Variants in DNMT3A observed in about 807,000 individuals in gnomAD.
DNMT3A encodes DNA methyltransferase 3 alpha, also known as DNA (cytosine-5)-methyltransferase 3A.
A neutral mutation model predicts 117.6 loss-of-function variants in DNMT3A; 267 were observed. That is an observed-to-expected ratio of 2.27 (90% confidence interval 2.05 to 2.51). The LOEUF is 2.51. DNMT3A is among the 30% of genes most tolerant of loss of function. DNMT3A has a pLI of 0.00. For synonymous variants in DNMT3A, 432 were observed against 474.8 expected, an observed-to-expected ratio of 0.91 and a Z score of 1.17; for missense variants, 1,029 against 1,260.2, an observed-to-expected ratio of 0.82 and a Z score of 2.78.
At chr2:25,268,707 A>C (rs1387092588) in intron 6 of DNMT3A, among the ~76,000 whole-genome samples, 1 of 151,786 alleles carries the variant, frequency 6.6e-6, no homozygotes, top group Non-Finnish European at 1.5e-5. Flanking sequence ...GATGGAGGAG[A>C]CTCTGGCCCC....
intron 1 of DNMT3A, 156 bp from the exon 2 acceptor site, chr2:25,314,317 T>C (rs2034277180): frequency 1.0e-6 from 1 of 985,186 alleles, no homozygotes; most frequent in Non-Finnish European, 1.2e-6. Flanking sequence ...CGAGGCAGGC[T>C]CCCTTCAGGG....
At chr2:25,292,509 C>T (rs1039879455) in intron 3 of DNMT3A, among the ~76,000 whole-genome samples, 1 of 152,182 alleles carries the variant, frequency 6.6e-6, no homozygotes, top group Admixed American at 6.5e-5. Flanking sequence ...ATGGTGCTAT[C>T]TTTTCTGTGC....
chr2:25,232,587 C>T lies in DNMT3A; in HGVS notation c.*1692G>A, dbSNP rs1356338543. On this transcript the variant is annotated 3_prime_UTR_variant, in exon 23 of 23. Transcript: ENST00000321117. The surrounding 1 kb of genome is among the most constrained non-coding windows in gnomAD (Gnocchi z 4.1). ...GAAGTAGAAGAGAAGAGTGACAAGC[C>T]CAGAAGGCAGACCTTGGGGACTCCC... 2 of 153,792 alleles carry T rather than the reference C, an allele frequency of 1.3e-5. No homozygotes were observed. The highest frequency in any genetic ancestry group is 4.8e-5 in the African/African-American group (2 of 41,476). The allele number at this position is 153,792 out of a possible 1,614,324, so 9.5% of individuals were successfully genotyped here. A position where few individuals can be genotyped will look rare whatever the true frequency, so the allele number is the denominator to read the frequency against.
At position 25,281,897 on chromosome 2, in the gene DNMT3A, T is replaced by C; in HGVS notation, c.448+544A>G. On this transcript the variant is annotated intron_variant, in intron 4 of 22. Transcript: ENST00000321117. This position sits in a 1 kb window ranked among gnomAD's most constrained non-coding sequence, Gnocchi z 4.8. ...TGTCACAACCAAATTTCCAGTTGAG[T>C]CAGCCCAACTAGGGTGGGCTCAGGA... 9.3e-7 allele frequency: 1 copy of C among 1,070,706 alleles called. No homozygotes were observed. 66.3% of individuals were successfully genotyped at this position (1,070,706 alleles called of 1,614,324 possible).
At chr2:25,312,981 AG>A (rs141462127) in intron 2 of DNMT3A, among the ~76,000 whole-genome samples, 2,164 of 152,318 alleles carry the variant, frequency 0.014, 45 homozygotes, top group African/African-American at 0.048. Flanking sequence ...GGGAGCAGGC[AG>A]GGGGAACTGT....
chr2:25,341,467 G>A (rs2035447569), intron 1 of DNMT3A, among the ~76,000 whole-genome samples: 1 of 146,074 alleles, frequency 6.8e-6, no homozygotes, highest in Non-Finnish European at 1.5e-5. Flanking sequence ...GCCGGGCACC[G>A]CGGCGCAGGC....
chr2:25,302,178 G>A (rs961745247), intron 2 of DNMT3A, among the ~76,000 whole-genome samples: 1 of 152,068 alleles, frequency 6.6e-6, no homozygotes, highest in African/African-American at 2.4e-5. Context: ...GAGAGAGGCA[G>A]AGCTCACACA....
chr2:25,265,302 T>G (rs1226595935), intron 6 of DNMT3A, among the ~76,000 whole-genome samples: 1 of 152,106 alleles, frequency 6.6e-6, no homozygotes, highest in East Asian at 1.9e-4. Context: ...CCGGGCCAGC[T>G]CTCTCCCTCT....
Position 25,254,905 on chromosome 2 carries a change from G to C in DNMT3A, c.640-6653C>G, listed in dbSNP as rs1675986751. ...GGACTCAAGGTGTCAGAACTGGCCA[G>C]AACTGTTCACTTTCTCTTGGCCACA... On this transcript the variant is annotated intron_variant, in intron 6 of 22. Coordinates refer to ENST00000321117, the MANE Select transcript of DNMT3A (RefSeq NM_022552.5). This position sits in a 1 kb window ranked among gnomAD's most constrained non-coding sequence, Gnocchi z 4.7. Among the ~76,000 whole-genome samples the C allele has an allele frequency of 6.6e-6, 1 of 152,210 alleles. No individual in the cohort carries two copies. Among genetic ancestry groups the C allele is most frequent in the African/African-American group, 2.4e-5 (1 of 41,466 alleles).
At chr2:25,251,212 C>G (rs1230197472) in intron 6 of DNMT3A, among the ~76,000 whole-genome samples, 1 of 126,168 alleles carries the variant, frequency 7.9e-6, no homozygotes, top group Non-Finnish European at 1.7e-5. Context: ...GCAGCCGGAG[C>G]TGGGTGGGGG....
chr2:25,340,665 C>T (rs2149456903), intron 1 of DNMT3A, among the ~76,000 whole-genome samples: 1 of 152,148 alleles, frequency 6.6e-6, no homozygotes, highest in South Asian at 2.1e-4. Context: ...GGCGAGGCCT[C>T]GTCCTTCACT....
intron 1 of DNMT3A, 40 bp downstream of exon 1, chr2:25,341,786 C>G: frequency 1.0e-6 from 1 of 979,042 alleles, no homozygotes; most frequent in Non-Finnish European, 1.2e-6. Flanking sequence ...CCGCCGCCTC[C>G]GGGCCGGCCT....
chr2:25,262,553 G>T (rs1676708117), intron 6 of DNMT3A, among the ~76,000 whole-genome samples: 1 of 151,960 alleles, frequency 6.6e-6, no homozygotes, highest in African/African-American at 2.4e-5. Flanking sequence ...CTCCAACCAG[G>T]ACCAGTTCTA....
rs2032286980 is a variant in DNMT3A, at chr2:25,286,070, G to T, written c.178-3359C>A. Among the ~76,000 whole-genome samples the T allele has an allele frequency of 6.6e-6, 1 of 152,200 alleles. No individual in the cohort carries two copies. On this transcript the variant is annotated intron_variant, in intron 3 of 22. Coordinates refer to ENST00000321117, the MANE Select transcript of DNMT3A (RefSeq NM_022552.5). This position sits in a 1 kb window ranked among gnomAD's most constrained non-coding sequence, Gnocchi z 4.3. ...TGCCCTGCAGACACCTCAGATTGGG[G>T]CAGGCTCTGAGCCCCGCAAAGCTGC...
intron 6 of DNMT3A, among the ~76,000 whole-genome samples, chr2:25,260,294 G>A (rs1676492174): frequency 6.6e-6 from 1 of 152,184 alleles, no homozygotes; most frequent in Non-Finnish European, 1.5e-5. Flanking sequence ...AGAATCATCT[G>A]GGGGCTGGCT....
Position 25,240,385 on chromosome 2 carries a change from C to CTA in DNMT3A, c.2238_2239insTA (p.Asp747Ter). ...AAGAGCCAGAAGAAGGGGCGATCAT[C>CTA]TCCCTCCTTGGGCCGCGCATCATGC... On this transcript the variant is annotated frameshift_variant, in exon 19 of 23. Coordinates refer to ENST00000321117, the MANE Select transcript of DNMT3A (RefSeq NM_022552.5). LOFTEE classifies it high-confidence loss of function. 6.2e-7 allele frequency: 1 copy of CTA among 1,614,112 alleles called. No individual in the cohort carries two copies. The highest frequency in any genetic ancestry group is 8.5e-7 in the Non-Finnish European group (1 of 1,179,990).
chr2:25,325,565 C>A (rs189023360), intron 1 of DNMT3A, among the ~76,000 whole-genome samples: 53 of 152,324 alleles, frequency 3.5e-4, no homozygotes, highest in Middle Eastern at 3.4e-3. Context: ...ACTCTAAAAC[C>A]TTCTGGGGAT....
rs996307919 is a variant in DNMT3A, at chr2:25,232,897, C to T, written c.*1382G>A. On this transcript the variant is annotated 3_prime_UTR_variant, in exon 23 of 23. Transcript: ENST00000321117. This position sits in a 1 kb window ranked among gnomAD's most constrained non-coding sequence, Gnocchi z 4.1. ...ACATCACATTCCAGGGGCCGGGAGCCGCCTTGTGCACAGAGGGGTGGATGG... is the reference window on the plus strand; with the variant it reads ...ACATCACATTCCAGGGGCCGGGAGCTGCCTTGTGCACAGAGGGGTGGATGG... 3.5e-5 allele frequency: 8 copies of T among 229,750 alleles called. No homozygotes were observed. Among genetic ancestry groups the T allele is most frequent in the Non-Finnish European group, 6.0e-5 (7 of 115,962 alleles). 14.2% of individuals were successfully genotyped at this position (229,750 alleles called of 1,614,324 possible).
intron 6 of DNMT3A, among the ~76,000 whole-genome samples, chr2:25,262,673 T>C (rs1395902277): frequency 1.3e-5 from 2 of 152,234 alleles, no homozygotes; most frequent in Non-Finnish European, 2.9e-5. Flanking sequence ...GGAATACTTA[T>C]TGTCCTGCCA....
Sources: gnomAD v4.1 joint callset for allele counts (sites outside exome capture counted in the v4.1 genomes callset) on GRCh38, gnomAD v4.1.1 for gene constraint, Gnocchi (gnomAD v3.1) non-coding constraint, MANE v1.5 for transcripts, NCBI Gene and HGNC (gene_info 2026-07-23, HGNC 2026-07-21) for gene names.